Variants in ABLIM1 observed in about 807,000 individuals in gnomAD.
ABLIM1 encodes the protein actin binding LIM protein 1.
A neutral mutation model predicts 107.0 loss-of-function variants in ABLIM1; 40 were observed. The ratio of observed to expected loss-of-function variants is 0.37; its 90% CI spans 0.29 to 0.49. The LOEUF (loss-of-function observed/expected upper bound fraction) is 0.49. Among genes scored for constraint, ABLIM1 ranks in the 20% least tolerant of loss-of-function variants. The probability of loss-of-function intolerance (pLI) is 0.97; values close to 1 mark genes in which losing one functional copy is unlikely to be tolerated. For synonymous variants in ABLIM1, 357 were observed against 357.3 expected, an observed-to-expected ratio of 1.00 and a Z score of 0.01; for missense variants, 857 against 1,008.5, an observed-to-expected ratio of 0.85 and a Z score of 2.04.
chr10:114,607,936 C>T lies in ABLIM1; in HGVS notation c.245-5975G>A, dbSNP rs368042998. ...TTTAGTTCATAACAGTGTGCCAATA[C>T]GGTCCAGTAATTATAACAAGTGTGT... is the stretch of plus-strand genomic sequence containing the variant. On this transcript the variant is annotated intron_variant, in intron 1 of 22. Transcript: ENST00000533213. Among the ~76,000 whole-genome samples, 80 of 152,300 alleles carry T rather than the reference C, an allele frequency of 5.3e-4. 4 individuals are homozygous for T. Among genetic ancestry groups the T allele is most frequent in the East Asian group, 4.4e-3 (23 of 5,186 alleles).
chr10:114,485,225 C>A (rs140698113), intron 8 of ABLIM1: 32 of 1,243,254 alleles, frequency 2.6e-5, no homozygotes, highest in Non-Finnish European at 3.3e-5. Flanking sequence ...AGAAAAGCAG[C>A]CCAGGGGAAA....
At chr10:114,782,958 T>C in the ABLIM1 span, among the ~76,000 whole-genome samples, 1 of 151,918 alleles carries the variant, frequency 6.6e-6, no homozygotes, top group Admixed American at 6.6e-5. Flanking sequence ...TTTCCTGAAA[T>C]GGAGGATGCT....
chr10:114,738,986 A>C (rs911026907), intron 1 of ABLIM1, among the ~76,000 whole-genome samples: 3 of 152,228 alleles, frequency 2.0e-5, no homozygotes, highest in Admixed American at 2.0e-4. Context: ...GTACACAAAA[A>C]GAAAGGCACT....
chr10:114,471,458 G>A (rs1365663006), intron 10 of ABLIM1, among the ~76,000 whole-genome samples: 1 of 152,118 alleles, frequency 6.6e-6, no homozygotes, highest in African/African-American at 2.4e-5. Context: ...TATGCCCTAC[G>A]AAACTCTGTG....
At chr10:114,588,487 CTTTTTTTTTTTTTTTTTTTT>C (rs34043960) in intron 2 of ABLIM1, among the ~76,000 whole-genome samples, 1 of 76,556 alleles carries the variant, frequency 1.3e-5, no homozygotes. Context: ...TTCTTTCTTT[CTTTTTTTTTTTTTTTTTTTT>C]TTTTTGAGAC....
In ABLIM1 at chr10:114,587,481, T is replaced by G. The variant is rs937303835; in HGVS notation, c.380-11882A>C. 5.5e-4 allele frequency among the ~76,000 whole-genome samples: 84 copies of G among 152,190 alleles called. 1 individual carries two copies. Among genetic ancestry groups the G allele is most frequent in the African/African-American group, 2.0e-3 (82 of 41,452 alleles). On this transcript the variant is annotated intron_variant, in intron 2 of 22. Coordinates refer to ENST00000533213, the MANE Select transcript of ABLIM1 (RefSeq NM_002313.7). ...AGATGCCCAGTGTTCAGAATTCTCT[T>G]TAAAATAATATGGCTATAAATAACA...
intron 1 of ABLIM1, among the ~76,000 whole-genome samples, chr10:114,705,378 T>C (rs1283216403): frequency 1.3e-5 from 2 of 152,126 alleles, no homozygotes; most frequent in African/African-American, 4.8e-5. Flanking sequence ...AAGTGAAACA[T>C]GGGCACCCAC....
At chr10:114,719,026 C>T (rs560227536) in intron 1 of ABLIM1, among the ~76,000 whole-genome samples, 15 of 152,076 alleles carry the variant, frequency 9.9e-5, no homozygotes, top group African/African-American at 3.4e-4. Context: ...CATGTATGTA[C>T]GTTATTATAT....
chr10:114,770,636 T>C (rs1853924772), upstream of ABLIM1, among the ~76,000 whole-genome samples: 1 of 152,224 alleles, frequency 6.6e-6, no homozygotes, highest in South Asian at 2.1e-4. Flanking sequence ...CACCTGTTTT[T>C]ACTTAACACA....
chr10:114,466,759 C>G (rs972844519), intron 11 of ABLIM1, among the ~76,000 whole-genome samples: 1 of 152,056 alleles, frequency 6.6e-6, no homozygotes, highest in Non-Finnish European at 1.5e-5. Flanking sequence ...ATTTAAAATG[C>G]CCTTTAAAAG....
intron 5 of ABLIM1, chr10:114,547,429 G>C (rs538013191): frequency 1.6e-5 from 9 of 576,374 alleles, no homozygotes; most frequent in African/African-American, 1.5e-4. Flanking sequence ...TTCATTAATT[G>C]TTAAATTAGG....
chr10:114,498,652 G>A (rs761340839), intron 6 of ABLIM1, among the ~76,000 whole-genome samples: 8 of 152,186 alleles, frequency 5.3e-5, no homozygotes, highest in Non-Finnish European at 1.2e-4. Flanking sequence ...TATAACTTAT[G>A]TTCTGCCTAC....
intron 2 of ABLIM1, among the ~76,000 whole-genome samples, chr10:114,591,341 TTA>T (rs2074846066): frequency 2.6e-5 from 4 of 152,166 alleles, no homozygotes; most frequent in Non-Finnish European, 4.4e-5. Flanking sequence ...AAAAATCAGT[TTA>T]TGTTTATTAA....
intron 1 of ABLIM1, among the ~76,000 whole-genome samples, chr10:114,664,427 C>T (rs1359263696): frequency 2.0e-5 from 3 of 152,156 alleles, no homozygotes; most frequent in African/African-American, 7.2e-5. Flanking sequence ...GCCACTGTAT[C>T]GTTACAGCAG....
At chr10:114,594,466 C>T (rs895682588) in intron 2 of ABLIM1, among the ~76,000 whole-genome samples, 1 of 152,118 alleles carries the variant, frequency 6.6e-6, no homozygotes, top group Non-Finnish European at 1.5e-5. Context: ...AAACATTTAC[C>T]AGGCTGGGTG....
chr10:114,690,902 G>A (rs1047131815), intron 1 of ABLIM1, among the ~76,000 whole-genome samples: 2 of 152,142 alleles, frequency 1.3e-5, no homozygotes, highest in East Asian at 1.9e-4. Context: ...GGCTGGTCTC[G>A]AACTCCTGAC....
At position 114,529,126 on chromosome 10, in the gene ABLIM1, C is replaced by CT. The variant is rs548411103; in HGVS notation, c.894+15878dup. ...CTCACTACCCACGAGTCTTCATCCT[C>CT]TTTTTTTTTTTTTTTTTGAGACAGA... On this transcript the variant is annotated intron_variant, in intron 6 of 22. Coordinates refer to ENST00000533213, the MANE Select transcript of ABLIM1 (RefSeq NM_002313.7). Among the ~76,000 whole-genome samples the CT allele has an allele frequency of 9.3e-3, 1,309 of 140,330 alleles. 9 individuals are homozygous for CT. The highest frequency in any genetic ancestry group is 0.012 in the African/African-American group (467 of 38,498). 92.1% of individuals were successfully genotyped at this position (140,330 alleles called of 152,430 possible). A position where few individuals can be genotyped will look rare whatever the true frequency, so the allele number is the denominator to read the frequency against.
intron 1 of ABLIM1, among the ~76,000 whole-genome samples, chr10:114,723,535 CCT>C (rs2081894959): frequency 6.6e-6 from 1 of 152,206 alleles, no homozygotes; most frequent in East Asian, 1.9e-4. Flanking sequence ...GCAGAATGCA[CCT>C]TGAACTTGAC....
In ABLIM1 at chr10:114,736,444, T is replaced by G. The variant is rs552530990; in HGVS notation, c.-213+31617A>C. 3.9e-5 allele frequency among the ~76,000 whole-genome samples: 6 copies of G among 152,306 alleles called. No homozygotes were observed. The East Asian group carries it at 1.2e-3, about 29-fold the overall frequency. ...AAAAACAACAACGCTAAGCTACCAT[T>G]TCAGTCCCTACTTAAAAAGCAATAA... On this transcript the variant is annotated intron_variant, in intron 1 of 15. Transcript: ENST00000651092.
Sources: gnomAD v4.1 joint callset for allele counts (sites outside exome capture counted in the v4.1 genomes callset) on GRCh38, gnomAD v4.1.1 for gene constraint, MANE v1.5 for transcripts, NCBI Gene and HGNC (gene_info 2026-07-23, HGNC 2026-07-21) for gene names.